ZNF438: variants seen among roughly 807,000 people sequenced by gnomAD.
ZNF438 encodes the protein zinc finger protein 438.
Under a neutral mutation model 38.0 loss-of-function variants are expected in ZNF438, and 25 were observed. The ratio of observed to expected loss-of-function variants is 0.66; its 90% CI spans 0.48 to 0.92. ZNF438 has a LOEUF of 0.92. Ranked by LOEUF, ZNF438 falls within the 40% of genes least tolerant of loss-of-function variation. The pLI is 0.00. For synonymous variants in ZNF438, 372 were observed against 364.1 expected, an observed-to-expected ratio of 1.02 and a Z score of -0.25; for missense variants, 1,007 against 999.6, an observed-to-expected ratio of 1.01 and a Z score of -0.10.
At chr10:30,881,256 GCTCTT>G (rs2039214707) in intron 3 of ZNF438, among the ~76,000 whole-genome samples, 1 of 152,044 alleles carries the variant, frequency 6.6e-6, no homozygotes. Flanking sequence ...TACAAAAAAA[GCTCTT>G]CTAATAACTG....
At chr10:30,930,831 A>AAAAAAAAAAAAAAAAC (rs2045594688) in intron 2 of ZNF438, among the ~76,000 whole-genome samples, 1 of 115,892 alleles carries the variant, frequency 8.6e-6, no homozygotes, top group Non-Finnish European at 1.8e-5. Context: ...AAAAAAAAAA[A>AAAAAAAAAAAAAAAAC]AAAGCAAATG....
At chr10:30,895,068 G>T (rs73249043) in intron 3 of ZNF438, among the ~76,000 whole-genome samples, 8,542 of 152,274 alleles carry the variant, frequency 0.056, 757 homozygotes, top group African/African-American at 0.19. Flanking sequence ...AGAAAAATCA[G>T]AACGCAGAAG....
rs574400653 is a variant in ZNF438, at chr10:30,906,000, T to A, written c.-32+2933A>T. 3.9e-5 allele frequency among the ~76,000 whole-genome samples: 6 copies of A among 152,314 alleles called. No individual in the cohort carries two copies. The South Asian group carries it at 1.2e-3, about 32-fold the overall frequency. ...AGTCTTGAAATTGAGAATGGGGAGT[T>A]TTCAAACTTTGCTTTTCTTTTTCAA... On this transcript the variant is annotated intron_variant, in intron 3 of 5. Transcript: ENST00000413025.
intron 2 of ZNF438, among the ~76,000 whole-genome samples, chr10:30,910,195 C>T (rs904685830): frequency 2.0e-5 from 3 of 152,022 alleles, no homozygotes; most frequent in African/African-American, 7.3e-5. Flanking sequence ...GAAGATTCAC[C>T]TGAGACTATA....
chr10:30,845,851 G>A (rs1026976581), intron 5 of ZNF438, among the ~76,000 whole-genome samples: 5 of 152,158 alleles, frequency 3.3e-5, no homozygotes, highest in African/African-American at 1.2e-4. Context: ...CTCGTCTTTG[G>A]TTACCACAGG....
intron 2 of ZNF438, among the ~76,000 whole-genome samples, chr10:30,928,531 A>G (rs2045233290): frequency 6.6e-6 from 1 of 151,504 alleles, no homozygotes; most frequent in Non-Finnish European, 1.5e-5. Context: ...TAGGACCCAA[A>G]CTTTGTCACT....
At chr10:30,992,566 C>A (rs1250154372) in intron 1 of ZNF438, among the ~76,000 whole-genome samples, 2 of 152,142 alleles carry the variant, frequency 1.3e-5, no homozygotes, top group African/African-American at 4.8e-5. Context: ...GCATGCGCCA[C>A]CAAGCCCCAC....
chr10:30,857,257 TC>T (rs2034807606), intron 4 of ZNF438, among the ~76,000 whole-genome samples: 3 of 130,256 alleles, frequency 2.3e-5, no homozygotes, highest in African/African-American at 5.6e-5. Context: ...TTCTAAAATT[TC>T]TTTTTTTTTT....
intron 1 of ZNF438, among the ~76,000 whole-genome samples, chr10:30,954,827 T>C (rs546212499): frequency 2.6e-5 from 4 of 152,184 alleles, no homozygotes; most frequent in Admixed American, 6.5e-5. Context: ...AACAGGCTTT[T>C]GGACTCTCAA....
At chr10:31,024,593 G>A (rs1428256874) in intron 1 of ZNF438, among the ~76,000 whole-genome samples, 2 of 151,572 alleles carry the variant, frequency 1.3e-5, no homozygotes, top group East Asian at 1.9e-4. Context: ...GCGCCACTGC[G>A]CTCCAGCCTG....
chr10:30,910,258 C>T (rs897711366), intron 2 of ZNF438: 1 of 152,140 alleles, frequency 6.6e-6, no homozygotes, highest in Non-Finnish European at 1.5e-5. Context: ...TTGAAGGAAG[C>T]AAGGAACCCT....
intron 1 of ZNF438, among the ~76,000 whole-genome samples, chr10:30,975,269 A>G (rs188137093): frequency 1.7e-4 from 26 of 152,312 alleles, no homozygotes; most frequent in Admixed American, 1.0e-3. Context: ...GCCCCATACA[A>G]GGTCCCTTAT....
intron 1 of ZNF438, among the ~76,000 whole-genome samples, chr10:30,977,560 T>TA (rs1176174509): frequency 2.6e-5 from 4 of 152,188 alleles, no homozygotes; most frequent in Non-Finnish European, 4.4e-5. Context: ...GAGGTGATCT[T>TA]ACACACATTA....
upstream of ZNF438, chr10:31,032,084 C>G (rs1179574302): frequency 1.3e-5 from 2 of 152,306 alleles, no homozygotes; most frequent in African/African-American, 2.4e-5. Context: ...GGGGCGCCTG[C>G]GGCGGCGACT....
At chr10:30,982,090 T>C (rs2052234251) in intron 1 of ZNF438, among the ~76,000 whole-genome samples, 1 of 69,646 alleles carries the variant, frequency 1.4e-5, no homozygotes, top group Admixed American at 1.4e-4. Flanking sequence ...AACCATCCTT[T>C]TTCTCTTTCT....
At chr10:30,943,423 A>G (rs1412175436) in intron 1 of ZNF438, among the ~76,000 whole-genome samples, 1 of 152,176 alleles carries the variant, frequency 6.6e-6, no homozygotes, top group African/African-American at 2.4e-5. Context: ...ATATGAATGG[A>G]AAAAATACTT....
chr10:30,848,222 G>A (rs1470900559), intron 5 of ZNF438, among the ~76,000 whole-genome samples: 1 of 152,118 alleles, frequency 6.6e-6, no homozygotes. Flanking sequence ...CCGCATTTTG[G>A]GGCAAATGAT....
chr10:30,887,371 G>C (rs549888954), intron 3 of ZNF438, among the ~76,000 whole-genome samples: 22 of 152,048 alleles, frequency 1.4e-4, no homozygotes, highest in Non-Finnish European at 3.1e-4. Flanking sequence ...GGGACTGTAA[G>C]TAATAAACTC....
intron 4 of ZNF438, 112 bp from the exon 6 acceptor site, chr10:30,850,479 T>C: frequency 7.9e-7 from 1 of 1,264,048 alleles, no homozygotes; most frequent in Non-Finnish European, 1.1e-6. Flanking sequence ...TTGACCTACC[T>C]CCAAGCCTTC....
Sources: allele counts gnomAD v4.1 joint callset (sites outside exome capture counted in the v4.1 genomes callset), GRCh38; gene constraint gnomAD v4.1.1; transcripts MANE v1.5; gene names NCBI Gene and HGNC (gene_info 2026-07-23, HGNC 2026-07-21).